The following RYR1 variants were observed in gnomAD, a reference collection of about 807,000 sequenced individuals.
The protein encoded by RYR1 is ryanodine receptor 1.
RYR1 carries 342 observed loss-of-function variants against 583.5 expected under a neutral mutation model. The observed-to-expected ratio is 0.59, with a 90% CI of 0.54 to 0.64. RYR1 has a LOEUF of 0.64. RYR1 is among the 30% of genes least tolerant of loss of function. The pLI is 0.00. For missense variants in RYR1, 6,032 were observed against 6,917.2 expected, an observed-to-expected ratio of 0.87 and a Z score of 4.54; for synonymous variants, 2,791 against 2,822.5, an observed-to-expected ratio of 0.99 and a Z score of 0.35.
intron 30 of RYR1, among the ~76,000 whole-genome samples, chr19:38,478,200 C>T (rs140815665): frequency 3.3e-5 from 5 of 152,154 alleles, no homozygotes; most frequent in African/African-American, 1.2e-4. Context: ...CCTTGCTTTC[C>T]CTCCTTTCAG....
intron 27 of RYR1, among the ~76,000 whole-genome samples, chr19:38,470,139 C>T (rs938955321): frequency 1.3e-4 from 19 of 149,944 alleles, no homozygotes; most frequent in African/African-American, 4.7e-4. Context: ...GCACTCCAGC[C>T]TGGGCAAGGA....
In RYR1 at chr19:38,512,520, T is replaced by G; in HGVS notation, c.9472+37T>G. 1 of 1,586,872 alleles carries G rather than the reference T, an allele frequency of 6.3e-7. No homozygotes were observed. The highest frequency in any genetic ancestry group is 8.6e-7 in the Non-Finnish European group (1 of 1,165,662). On this transcript the variant is annotated intron_variant, in intron 63 of 105. Transcript: ENST00000359596. The surrounding 1 kb of genome is among the most constrained non-coding windows in gnomAD (Gnocchi z 5.1). ...TGACCCAAGGGCAGGTTGCGGGGAG[T>G]CAGTGTGGCCAACACCACCCATCCG...
chr19:38,567,762 C>G lies in RYR1; in HGVS notation c.13515-11C>G. On this transcript the variant is annotated splice_polypyrimidine_tract_variant and intron_variant, in intron 92 of 105. Transcript: ENST00000359596. ...AGGCACCTCCTGACCTCTCTCTGTC[C>G]TGCCCTGCAGTGCCGAGAATGGGGA... 1 of 1,614,214 alleles carries G rather than the reference C, an allele frequency of 6.2e-7. No individual in the cohort carries two copies. The highest frequency in any genetic ancestry group is 8.5e-7 in the Non-Finnish European group (1 of 1,180,044).
At chr19:38,457,430 C>G in intron 16 of RYR1, 67 bp from the exon 17 acceptor site, 2 of 1,613,068 alleles carry the variant, frequency 1.2e-6, no homozygotes, top group Admixed American at 3.3e-5. Flanking sequence ...TCCCTCCCTC[C>G]CAGGGTTCTT....
At chr19:38,511,105 G>A (rs528757515) in intron 60 of RYR1, among the ~76,000 whole-genome samples, 4 of 152,180 alleles carry the variant, frequency 2.6e-5, no homozygotes, top group Middle Eastern at 6.8e-3. Context: ...AGGCCAGCCT[G>A]GGCAACATAC....
intron 7 of RYR1, among the ~76,000 whole-genome samples, chr19:38,445,140 C>T (rs1346730182): frequency 4.1e-5 from 6 of 145,648 alleles, no homozygotes; most frequent in Admixed American, 7.2e-5. Context: ...CCTGTAATCC[C>T]ACCTACTCAG....
Position 38,455,267 on chromosome 19 carries a change from C to A in RYR1, c.1473C>A (p.Asp491Glu). Reference protein sequence around the residue: ...GMLSMVLNCIDRLNVYTTAAH... With the variant: ...GMLSMVLNCIERLNVYTTAAH... ...TCTCCATGGTCCTGAATTGCATAGA[C>A]CGCCTAAATGTCTACACCACTGCTG... Residue 491 changes from aspartate (D) to glutamate (E), a missense_variant, in exon 14 of 106, where the codon GAC (aspartate) becomes GAA (glutamate). Coordinates refer to ENST00000359596, the MANE Select transcript of RYR1 (RefSeq NM_000540.3). 6.2e-7 allele frequency: 1 copy of A among 1,614,092 alleles called. No individual in the cohort carries two copies. The highest frequency in any genetic ancestry group is 8.5e-7 in the Non-Finnish European group (1 of 1,180,010).
In RYR1 at chr19:38,448,354, G is replaced by C; in HGVS notation, c.801-1G>C. 6.2e-7 allele frequency: 1 copy of C among 1,607,868 alleles called. No homozygotes were observed. Among genetic ancestry groups the C allele is most frequent in the Non-Finnish European group, 8.5e-7 (1 of 1,179,752 alleles). On this transcript the variant is annotated splice_acceptor_variant, in intron 9 of 105. Coordinates refer to ENST00000359596, the MANE Select transcript of RYR1 (RefSeq NM_000540.3). LOFTEE classifies it high-confidence loss of function. ...CTCCCCTTGGCTCTCACCCTCCACAGCTGGAGTGGGAGCCACCTGCGCTGG... is the reference window on the plus strand; with the variant it reads ...CTCCCCTTGGCTCTCACCCTCCACACCTGGAGTGGGAGCCACCTGCGCTGG...
rs769814020 is a variant in RYR1, at chr19:38,510,519, G to A, written c.8954G>A (p.Arg2985Gln). ...ACAGAGGCTGTGGTCAGCAGTGGGC[G>A]AGTGGAAAAGTCCCCACATGAACAG... The part of the protein sequence containing the change: ...AHLEAVVSSG[R>Q]VEKSPHEQEI... The change falls in exon 59 of 106, where the codon CGA (arginine) becomes CAA (glutamine). Residue 2985 changes from arginine to glutamine, a missense_variant. Arg to Gln is a conservative substitution (Grantham distance 43). Transcript: ENST00000359596. 12 of 1,614,110 alleles carry A rather than the reference G, an allele frequency of 7.4e-6. No homozygotes were observed. Among genetic ancestry groups the A allele is most frequent in the African/African-American group, 5.3e-5 (4 of 75,008 alleles).
chr19:38,447,349 T>G (rs1972994737), intron 9 of RYR1, among the ~76,000 whole-genome samples: 1 of 151,610 alleles, frequency 6.6e-6, no homozygotes, highest in African/African-American at 2.4e-5. Context: ...CAGACCAGGC[T>G]GGCTAACGTG....
Position 38,469,327 on chromosome 19 carries a change from G to A in RYR1, c.3579G>A (p.Leu1193=). The change falls in exon 27 of 106, where the codon TTG becomes TTA. Residue 1193 remains leucine (L), a synonymous_variant. Coordinates refer to ENST00000359596, the MANE Select transcript of RYR1 (RefSeq NM_000540.3). ...CAGGCTTCCTGCCCGTCTGCAGCTT[G>A]GGACCTGGCCAGGTGGGTCATCTGA... ...IGDGFLPVCS[L]GPGQVGHLNL... 2 of 1,613,906 alleles carry A rather than the reference G, an allele frequency of 1.2e-6. No individual in the cohort carries two copies. Among genetic ancestry groups the A allele is most frequent in the South Asian group, 2.2e-5 (2 of 91,056 alleles).
rs368168410 is a variant in RYR1 at position 38,478,607 on chromosome 19, C to G, written c.4620+7C>G. 2 of 1,609,260 alleles carry G rather than the reference C, an allele frequency of 1.2e-6. No homozygotes were observed. Among genetic ancestry groups the G allele is most frequent in the East Asian group, 2.2e-5 (1 of 44,886 alleles). On this transcript the variant is annotated splice_region_variant and intron_variant, in intron 31 of 105. Transcript: ENST00000359596. ...GAGCAACACCTTTTTCCAGGTGAGT[C>G]CAGGCCACAGCAATTTAGCGAGAGC...
chr19:38,488,644 G>A (rs932253827), intron 34 of RYR1, among the ~76,000 whole-genome samples: 1 of 152,176 alleles, frequency 6.6e-6, no homozygotes, highest in Admixed American at 6.6e-5. Context: ...TGGGAATACA[G>A]GCGTGCACCA....
Position 38,433,789 on chromosome 19 carries a change from T to A in RYR1, c.-41T>A. The stretch of plus-strand genomic sequence containing the variant: ...CGCCCAGCCCGCAGCCCCCTCCCTC[T>A]GTTCCCCGACCTCAGACCCTGGGCT... On this transcript the variant is annotated 5_prime_UTR_variant, in exon 1 of 106. Coordinates refer to ENST00000359596, the MANE Select transcript of RYR1 (RefSeq NM_000540.3). 1.2e-6 allele frequency: 1 copy of A among 839,140 alleles called. No homozygotes were observed. The highest frequency in any genetic ancestry group is 1.6e-6 in the Non-Finnish European group (1 of 612,266). The allele number at this position is 839,140 out of a possible 1,614,324, so 52.0% of individuals were successfully genotyped here.
intron 34 of RYR1, among the ~76,000 whole-genome samples, chr19:38,488,250 A>T (rs1969386774): frequency 6.6e-6 from 1 of 151,676 alleles, no homozygotes; most frequent in Non-Finnish European, 1.5e-5. Flanking sequence ...TCCATCACCT[A>T]CTCACCTACC....
At chr19:38,494,103 A>C (rs1391705330) in intron 38 of RYR1, among the ~76,000 whole-genome samples, 3 of 152,112 alleles carry the variant, frequency 2.0e-5, no homozygotes, top group East Asian at 3.9e-4. Flanking sequence ...CGGGAGTTCG[A>C]GGCTGAAGTG....
In RYR1 at chr19:38,496,219, A is replaced by G; in HGVS notation, c.6553A>G (p.Ile2185Val). Residue 2185 changes from isoleucine to valine, a missense_variant, in exon 40 of 106, where the codon ATC becomes GTC. Physicochemically the swap from Ile to Val is conservative, Grantham distance 29 (BLOSUM62 3). Transcript: ENST00000359596. The surrounding 1 kb of genome is among the most constrained non-coding windows in gnomAD (Gnocchi z 4.8). ...GCACACTCTGCCCGTGCACAGGAACATCATGAACAACAAAGTCTTCTACCA... is the reference window on the plus strand; with the variant it reads ...GCACACTCTGCCCGTGCACAGGAACGTCATGAACAACAAAGTCTTCTACCA... The part of the protein sequence containing the change: ...ENLMIQSIGN[I>V]MNNKVFYQHP... 2 of 1,613,558 alleles carry G rather than the reference A, an allele frequency of 1.2e-6. No homozygotes were observed.
In RYR1 at chr19:38,500,667, C is replaced by T. The variant is rs551223467; in HGVS notation, c.7385C>T (p.Pro2462Leu). The T allele has an allele frequency of 3.7e-6, 6 of 1,614,112 alleles. No homozygotes were observed. In the Admixed American group the frequency reaches 5.0e-5, roughly 13 times the overall value. The change falls in exon 46 of 106, where the codon CCC (proline) becomes CTC (leucine). Residue 2462 changes from proline to leucine, a missense_variant. Pro to Leu is a moderately conservative substitution (Grantham distance 98, BLOSUM62 -3). This residue lies in a region of RYR1 where 2,627 missense variants were observed against 2,961.3 expected (regional missense o/e 0.89). Coordinates refer to ENST00000359596, the MANE Select transcript of RYR1 (RefSeq NM_000540.3). The surrounding 1 kb of genome is among the most constrained non-coding windows in gnomAD (Gnocchi z 5.9). ...RIRAILRSLV[P>L]LEDLVGIISL... Reference sequence around the variant, plus strand: ...CGCGCCATCCTCCGCTCCCTTGTGCCCTTGGAGGACCTTGTGGGCATCATC... The same window carrying T: ...CGCGCCATCCTCCGCTCCCTTGTGCTCTTGGAGGACCTTGTGGGCATCATC...
rs753610140 is a variant in RYR1, at chr19:38,475,363, G to A, written c.4206G>A (p.Pro1402=). 5.0e-6 allele frequency: 8 copies of A among 1,611,690 alleles called. No homozygotes were observed. Among genetic ancestry groups the A allele is most frequent in the Middle Eastern group, 1.7e-4 (1 of 6,056 alleles). ...AGGTCGCCATGATGACCCAGCCACCGGCCACCCCCACGCTGCCCCGACTCC... is the reference window on the plus strand; with the variant it reads ...AGGTCGCCATGATGACCCAGCCACCAGCCACCCCCACGCTGCCCCGACTCC... ...AKKVAMMTQP[P]ATPTLPRLPH... Residue 1402 remains proline (P), a synonymous_variant, in exon 29 of 106, where the codon CCG becomes CCA. Transcript: ENST00000359596.
Sources: allele counts gnomAD v4.1 joint callset (sites outside exome capture counted in the v4.1 genomes callset), GRCh38; gene constraint gnomAD v4.1.1; regional missense constraint gnomAD v4.1.1; non-coding constraint Gnocchi (gnomAD v3.1); transcripts MANE v1.5; gene names NCBI Gene and HGNC (gene_info 2026-07-23, HGNC 2026-07-21).